The following ANKRD36 variants were observed in gnomAD, a reference collection of about 807,000 sequenced individuals.
ANKRD36 encodes the protein ankyrin repeat domain 36.
ANKRD36 carries 179 observed loss-of-function variants against 278.1 expected under a neutral mutation model. That is an observed-to-expected ratio of 0.64 (90% CI 0.57 to 0.73). ANKRD36 has a LOEUF of 0.73. Ranked by LOEUF, ANKRD36 falls within the 30% of genes least tolerant of loss-of-function variation. The pLI, the probability that ANKRD36 is intolerant of heterozygous loss-of-function variation, is 0.00. For synonymous variants in ANKRD36, 320 were observed against 641.1 expected, an observed-to-expected ratio of 0.50 and a Z score of 7.57; for missense variants, 1,159 against 1,956.7, an observed-to-expected ratio of 0.59 and a Z score of 7.69.
chr2:97,174,528 T>C (rs1478052234), intron 22 of ANKRD36, among the ~76,000 whole-genome samples: 1 of 151,858 alleles, frequency 6.6e-6, no homozygotes, highest in Non-Finnish European at 1.5e-5. Context: ...AAGGAGCTAT[T>C]GGATAAAATA....
At chr2:97,179,076 G>T (rs538009280) in intron 22 of ANKRD36, among the ~76,000 whole-genome samples, 1 of 151,470 alleles carries the variant, frequency 6.6e-6, no homozygotes, top group African/African-American at 2.4e-5. Context: ...ATTATACCTT[G>T]TTGCAATGAG....
At chr2:97,122,704 G>A (rs1574536975) in intron 3 of ANKRD36, among the ~76,000 whole-genome samples, 183 bp from the exon 4 acceptor site, 1 of 151,330 alleles carries the variant, frequency 6.6e-6, no homozygotes, top group African/African-American at 2.4e-5. Flanking sequence ...AGGCAGAGGA[G>A]GTTGTTTCCA....
chr2:97,164,463 A>T lies in ANKRD36; in HGVS notation c.1525A>T (p.Ser509Cys). 6.5e-7 allele frequency: 1 copy of T among 1,536,724 alleles called. No individual in the cohort carries two copies. Among genetic ancestry groups the T allele is most frequent in the Non-Finnish European group, 8.7e-7 (1 of 1,146,650 alleles). Residue 509 changes from serine (S) to cysteine (C), a missense_variant, in exon 20 of 76, where the codon AGT becomes TGT. Coordinates refer to ENST00000420699, the MANE Select transcript of ANKRD36 (RefSeq NM_001354587.1). ...AGGAGGTATGGATTCACTAACTTCC[A>T]GTGAAGGTAAATTTGCCGCTACAAA... ...FLGGMDSLTS[S>C]EESSERPPLS...
intron 6 of ANKRD36, among the ~76,000 whole-genome samples, chr2:97,140,262 G>A (rs921626206): frequency 6.6e-6 from 1 of 151,554 alleles, no homozygotes; most frequent in African/African-American, 2.4e-5. Flanking sequence ...TTCTGAAGAT[G>A]TTGGTGCATT....
intron 20 of ANKRD36, among the ~76,000 whole-genome samples, chr2:97,166,354 A>G (rs571212636): frequency 0.011 from 1,675 of 148,818 alleles, 2 homozygotes; most frequent in African/African-American, 0.039. Context: ...TGCTGTTGTG[A>G]AGAAGGAATT....
rs780382807 is a variant in ANKRD36 at position 97,187,209 on chromosome 2, A to G, written c.2053A>G (p.Lys685Glu). 2.5e-6 allele frequency: 4 copies of G among 1,609,820 alleles called. No homozygotes were observed. The highest frequency in any genetic ancestry group is 2.3e-4 in the Middle Eastern group (1 of 4,420). ...CTTTTGCTTTTCAGTGTCTTCTCAG[A>G]AACAACCAGCCTTGAAGGTAATTAA... is the stretch of plus-strand genomic sequence containing the variant. ...GLQCGTVSSQKQPALKATTDE... is the reference protein window; with the variant it reads ...GLQCGTVSSQEQPALKATTDE... The change falls in exon 31 of 76, where the codon AAA (lysine) becomes GAA (glutamate). Residue 685 changes from lysine to glutamate, a missense_variant. Coordinates refer to ENST00000420699, the MANE Select transcript of ANKRD36 (RefSeq NM_001354587.1).
Position 97,192,879 on chromosome 2 carries a change from C to T in ANKRD36, c.2369C>T (p.Ala790Val), listed in dbSNP as rs1397306225. ...TCAGTGTCTTCTCAGAAACCACCAG[C>T]CTTGACGGTAATGAAACACTCATTT... is the stretch of plus-strand genomic sequence containing the variant. Reference protein sequence around the residue: ...SGTVSSQKPPALTATSDEEGS... With the variant: ...SGTVSSQKPPVLTATSDEEGS... Residue 790 changes from alanine (A) to valine (V), a missense_variant, in exon 37 of 76, where the codon GCC (alanine) becomes GTC (valine). Ala to Val is a moderately conservative substitution (Grantham distance 64). Coordinates refer to ENST00000420699, the MANE Select transcript of ANKRD36 (RefSeq NM_001354587.1). The T allele has an allele frequency of 6.2e-7, 1 of 1,603,744 alleles. No individual in the cohort carries two copies.
chr2:97,199,651 G>T (rs1173306503), intron 44 of ANKRD36, among the ~76,000 whole-genome samples: 1 of 151,902 alleles, frequency 6.6e-6, no homozygotes, highest in Non-Finnish European at 1.5e-5. Context: ...TTTTTATTGA[G>T]GCTAATATAT....
At chr2:97,189,875 T>C (rs537853761) in intron 34 of ANKRD36, among the ~76,000 whole-genome samples, 1 of 85,318 alleles carries the variant, frequency 1.2e-5, no homozygotes, top group Admixed American at 1.1e-4. Context: ...CTAAAAAATA[T>C]TTGATTTTGG....
chr2:97,187,275 G>A, intron 31 of ANKRD36, 49 bp downstream of exon 31: 1 of 1,604,734 alleles, frequency 6.2e-7, no homozygotes, highest in Non-Finnish European at 8.5e-7. Context: ...TATAGTCTAT[G>A]AAATATACTT....
At chr2:97,218,631 A>G (rs1460185951) in intron 64 of ANKRD36, among the ~76,000 whole-genome samples, 6 of 152,058 alleles carry the variant, frequency 3.9e-5, no homozygotes, top group East Asian at 2.0e-4. Flanking sequence ...ATAGAGCATG[A>G]TGAATGTTTA....
At chr2:97,231,258 A>T (rs1370654409) in intron 67 of ANKRD36, among the ~76,000 whole-genome samples, 2 of 152,148 alleles carry the variant, frequency 1.3e-5, no homozygotes, top group Non-Finnish European at 2.9e-5. Context: ...GAGCCTACAG[A>T]GGCAGGCAGG....
Position 97,206,145 on chromosome 2 carries a change from A to T in ANKRD36, c.3163+10A>T. The T allele has an allele frequency of 6.5e-7, 1 of 1,529,836 alleles. No individual in the cohort carries two copies. Among genetic ancestry groups the T allele is most frequent in the Non-Finnish European group, 8.8e-7 (1 of 1,140,060 alleles). 94.8% of individuals were successfully genotyped at this position (1,529,836 alleles called of 1,614,324 possible). A position where few individuals can be genotyped will look rare whatever the true frequency, so the allele number is the denominator to read the frequency against. ...GAAAAATCTAGGACAGGTAATTCTG[A>T]AAACAGATTTAATGCCATGTTCAGT... On this transcript the variant is annotated intron_variant, in intron 52 of 75. Transcript: ENST00000420699.
At position 97,205,922 on chromosome 2, in the gene ANKRD36, A is replaced by G; in HGVS notation, c.3062-18A>G. 1 of 1,547,318 alleles carries G rather than the reference A, an allele frequency of 6.5e-7. No individual in the cohort carries two copies. The highest frequency in any genetic ancestry group is 2.4e-5 in the East Asian group (1 of 41,840). ...CATATTTACATATGACTGATTATGA[A>G]TCACTTTTGCTTTTCAGTGTCTTCT... On this transcript the variant is annotated intron_variant, in intron 50 of 75. Transcript: ENST00000420699.
chr2:97,157,149 C>T (rs1217503774), intron 15 of ANKRD36, among the ~76,000 whole-genome samples: 1 of 151,034 alleles, frequency 6.6e-6, no homozygotes, highest in African/African-American at 2.4e-5. Context: ...CTCTCTCTCT[C>T]TGTTTGTAGT....
rs1364727891 is a variant in ANKRD36, at chr2:97,123,603, G to A, written c.593+610G>A. 7.6e-5 allele frequency among the ~76,000 whole-genome samples: 5 copies of A among 65,748 alleles called. 1 individual carries two copies. The highest frequency in any genetic ancestry group is 1.8e-4 in the African/African-American group (5 of 28,036). 43.1% of individuals were successfully genotyped at this position (65,748 alleles called of 152,430 possible). ...ATATATCCTTCAAGGGTGGTTGTGT[G>A]TAAGTAACATTATATATATATATAT... On this transcript the variant is annotated intron_variant, in intron 4 of 75. Coordinates refer to ENST00000420699, the MANE Select transcript of ANKRD36 (RefSeq NM_001354587.1).
intron 6 of ANKRD36, among the ~76,000 whole-genome samples, chr2:97,142,239 G>GT (rs2043095639): frequency 6.6e-6 from 1 of 152,282 alleles, no homozygotes; most frequent in Non-Finnish European, 1.5e-5. Flanking sequence ...GTATAATGGT[G>GT]TATTTCCTTC....
intron 36 of ANKRD36, among the ~76,000 whole-genome samples, chr2:97,191,803 A>G (rs1405837178): frequency 2.6e-5 from 4 of 151,734 alleles, no homozygotes; most frequent in Non-Finnish European, 4.4e-5. Context: ...AAACAATGCT[A>G]GAATTGCCAT....
At chr2:97,190,772 C>T (rs1319351026) in intron 34 of ANKRD36, among the ~76,000 whole-genome samples, 1 of 151,596 alleles carries the variant, frequency 6.6e-6, no homozygotes, top group East Asian at 2.0e-4. Flanking sequence ...ATGTTTGAAA[C>T]TGTAAGGATA....
Sources: gnomAD v4.1 joint callset for allele counts (sites outside exome capture counted in the v4.1 genomes callset) on GRCh38, gnomAD v4.1.1 for gene constraint, MANE v1.5 for transcripts, NCBI Gene and HGNC (gene_info 2026-07-23, HGNC 2026-07-21) for gene names.